Variants in MGAT4C observed in about 807,000 individuals in gnomAD.
MGAT4C encodes the protein alpha-1,3-mannosyl-glycoprotein 4-beta-N-acetylglucosaminyltransferase C.
A neutral mutation model predicts 40.1 loss-of-function variants in MGAT4C; 19 were observed. The ratio of observed to expected loss-of-function variants is 0.47; its 90% CI spans 0.33 to 0.70. The LOEUF (loss-of-function observed/expected upper bound fraction) is 0.70. Among genes scored for constraint, MGAT4C ranks in the 30% least tolerant of loss-of-function variants. MGAT4C has a pLI of 0.02. For missense variants in MGAT4C, 491 were observed against 563.2 expected (o/e 0.87, Z 1.30); for synonymous variants, 181 against 187.1 (o/e 0.97, Z 0.27).
intron 1 of MGAT4C, among the ~76,000 whole-genome samples, chr12:86,744,560 C>T (rs1951122645): frequency 6.6e-6 from 1 of 151,430 alleles, no homozygotes. Flanking sequence ...TGGATTGAAG[C>T]AACCACTGGT....
intron 3 of MGAT4C, among the ~76,000 whole-genome samples, chr12:86,433,200 T>G (rs1957073992): frequency 6.6e-6 from 1 of 151,998 alleles, no homozygotes; most frequent in Non-Finnish European, 1.5e-5. Context: ...TGTGTATGTA[T>G]GTTAACAATT....
At chr12:86,099,424 CTTTTTT>C (rs1565980088) in intron 1 of MGAT4C, among the ~76,000 whole-genome samples, 1 of 106,382 alleles carries the variant, frequency 9.4e-6, no homozygotes, top group Non-Finnish European at 2.1e-5. Context: ...TTTTCTTTTT[CTTTTTT>C]ATTTATTATA....
chr12:86,358,865 C>A (rs141391949), intron 3 of MGAT4C, among the ~76,000 whole-genome samples: 12,017 of 152,236 alleles, frequency 0.079, 673 homozygotes, highest in Middle Eastern at 0.21. Flanking sequence ...TGGACTCCCA[C>A]ACAATAATAA....
chr12:86,823,775 C>A (rs372357585), intron 1 of MGAT4C, among the ~76,000 whole-genome samples: 117 of 151,104 alleles, frequency 7.7e-4, no homozygotes, highest in African/African-American at 2.7e-3. Context: ...ACATTTTATC[C>A]ATTTTTTAAA....
chr12:86,252,749 A>C (rs1952353800), intron 1 of MGAT4C, among the ~76,000 whole-genome samples: 1 of 151,978 alleles, frequency 6.6e-6, no homozygotes, highest in Non-Finnish European at 1.5e-5. Context: ...TATACTATAA[A>C]GAACCTTGTC....
At position 85,980,066 on chromosome 12, in the gene MGAT4C, A is replaced by G. The variant is rs372911876; in HGVS notation, c.660T>C (p.Tyr220=). 150 of 1,613,664 alleles carry G rather than the reference A, an allele frequency of 9.3e-5. No homozygotes were observed. Among genetic ancestry groups the G allele is most frequent in the Non-Finnish European group, 1.2e-4 (138 of 1,179,854 alleles). The change falls in exon 5 of 5, where the codon TAT becomes TAC. Residue 220 remains tyrosine (Y), a synonymous_variant. Coordinates refer to ENST00000611864, the MANE Select transcript of MGAT4C (RefSeq NM_001351288.2). ...LNFCANTSDY[Y]VMLEDDVRCS... ...ATCGAACATCATCTTCAAGCATTAC[A>G]TAATAGTCTGAAGTATTGGCACAAA...
At chr12:86,073,549 G>A (rs1347098353) in intron 1 of MGAT4C, among the ~76,000 whole-genome samples, 3 of 152,172 alleles carry the variant, frequency 2.0e-5, no homozygotes, top group Non-Finnish European at 4.4e-5. Context: ...AATGCTTATA[G>A]TGATATGGAC....
At chr12:86,688,166 T>C (rs1353695297) in intron 2 of MGAT4C, among the ~76,000 whole-genome samples, 2 of 144,014 alleles carry the variant, frequency 1.4e-5, no homozygotes, top group South Asian at 2.3e-4. Context: ...GCTTTTTTTT[T>C]TTTTTTTTTT....
At chr12:86,416,390 G>T (rs909847147) in intron 3 of MGAT4C, among the ~76,000 whole-genome samples, 4 of 152,054 alleles carry the variant, frequency 2.6e-5, no homozygotes, top group Non-Finnish European at 5.9e-5. Context: ...CTTTTAGAGA[G>T]AATGCTGGAG....
chr12:86,310,899 G>A (rs994678576), intron 4 of MGAT4C, among the ~76,000 whole-genome samples: 4 of 152,226 alleles, frequency 2.6e-5, no homozygotes, highest in Non-Finnish European at 5.9e-5. Context: ...ACTCCAGCCT[G>A]TGCGACACAA....
chr12:86,761,914 T>C (rs74741638), intron 1 of MGAT4C, among the ~76,000 whole-genome samples: 103 of 152,258 alleles, frequency 6.8e-4, no homozygotes, highest in African/African-American at 2.3e-3. Flanking sequence ...CTGTGGCATA[T>C]AGAATAATAT....
chr12:86,233,688 C>A (rs1213906618), intron 1 of MGAT4C, among the ~76,000 whole-genome samples: 8 of 151,938 alleles, frequency 5.3e-5, no homozygotes, highest in Non-Finnish European at 8.8e-5. Context: ...AATTCCCTTT[C>A]TAAATAGGTA....
At chr12:86,073,425 T>TG (rs1440066808) in intron 1 of MGAT4C, among the ~76,000 whole-genome samples, 1 of 152,186 alleles carries the variant, frequency 6.6e-6, no homozygotes, top group African/African-American at 2.4e-5. Context: ...GAAGCAACTT[T>TG]GGAACTGGGT....
At chr12:86,688,799 T>C (rs926457514) in intron 2 of MGAT4C, among the ~76,000 whole-genome samples, 1 of 152,164 alleles carries the variant, frequency 6.6e-6, no homozygotes, top group African/African-American at 2.4e-5. Flanking sequence ...AGTTCAACCT[T>C]AGTGAATCTG....
At chr12:86,789,572 T>C (rs1951989095) in intron 1 of MGAT4C, among the ~76,000 whole-genome samples, 1 of 152,110 alleles carries the variant, frequency 6.6e-6, no homozygotes, top group Non-Finnish European at 1.5e-5. Flanking sequence ...CAACTAACTC[T>C]AGATACAGAG....
At chr12:86,170,081 C>G (rs1177622129) in intron 1 of MGAT4C, among the ~76,000 whole-genome samples, 1 of 152,224 alleles carries the variant, frequency 6.6e-6, no homozygotes, top group East Asian at 1.9e-4. Flanking sequence ...TGATTGGGAA[C>G]TTTTTACTCC....
At chr12:86,444,706 A>G (rs950658460) in intron 2 of MGAT4C, among the ~76,000 whole-genome samples, 1 of 152,210 alleles carries the variant, frequency 6.6e-6, no homozygotes, top group African/African-American at 2.4e-5. Context: ...TTATTCTAAC[A>G]AAAATGCATA....
At chr12:86,281,714 A>T (rs1953223486) in intron 4 of MGAT4C, among the ~76,000 whole-genome samples, 1 of 151,926 alleles carries the variant, frequency 6.6e-6, no homozygotes, top group Non-Finnish European at 1.5e-5. Flanking sequence ...TTTATAATGT[A>T]TTATTGTATT....
intron 2 of MGAT4C, among the ~76,000 whole-genome samples, chr12:86,641,744 T>C (rs561139603): frequency 6.6e-6 from 1 of 151,626 alleles, no homozygotes; most frequent in African/African-American, 2.4e-5. Flanking sequence ...GAACATCTGA[T>C]GAAAGCAAAG....
Sources: allele counts gnomAD v4.1 joint callset (sites outside exome capture counted in the v4.1 genomes callset), GRCh38; gene constraint gnomAD v4.1.1; transcripts MANE v1.5; gene names NCBI Gene and HGNC (gene_info 2026-07-23, HGNC 2026-07-21).